The following RTL4 variants were observed in gnomAD, a reference collection of about 807,000 sequenced individuals.
RTL4 encodes retrotransposon Gag-like protein 4.
In RTL4, 4 loss-of-function variants were observed where a neutral mutation model predicts 5.3. The ratio of observed to expected loss-of-function variants is 0.75; its 90% confidence interval spans 0.37 to 1.72. The LOEUF is 1.72. RTL4 is among the 40% of genes most tolerant of loss of function. The pLI, the probability that RTL4 is intolerant of heterozygous loss-of-function variation, is 0.04. For missense variants in RTL4, 260 were observed against 227.1 expected (o/e 1.14, Z -0.93); for synonymous variants, 98 against 87.3 (o/e 1.12, Z -0.68).
chrX:112,330,693 C>T, the RTL4 span, among the ~76,000 whole-genome samples: 210 of 111,194 alleles, frequency 1.9e-3, no homozygotes, highest in African/African-American at 6.4e-3. Flanking sequence ...GAGCCCGCAT[C>T]GCCAAGTCAA....
At chrX:112,370,057 A>C in the RTL4 span, among the ~76,000 whole-genome samples, 12 of 111,968 alleles carry the variant, frequency 1.1e-4, no homozygotes, top group African/African-American at 3.9e-4. Flanking sequence ...TCAACTGAAG[A>C]CATCATTAAG....
the RTL4 span, among the ~76,000 whole-genome samples, chrX:112,437,706 G>A: frequency 0.019 from 2,041 of 109,650 alleles, 48 homozygotes; most frequent in African/African-American, 0.065. Flanking sequence ...GATCTTATTC[G>A]ATTGTTTTCA....
chrX:112,382,191 C>T, the RTL4 span: 58 of 1,188,340 alleles, frequency 4.9e-5, no homozygotes, highest in East Asian at 1.6e-3. Context: ...CCAGTCTTCC[C>T]CAAGGCACCA....
At chrX:112,329,387 G>A in the RTL4 span, among the ~76,000 whole-genome samples, 3 of 111,458 alleles carry the variant, frequency 2.7e-5, no homozygotes, top group East Asian at 2.8e-4. Context: ...ATACCTCTAC[G>A]CAAATAAACT....
the RTL4 span, among the ~76,000 whole-genome samples, chrX:112,201,287 G>A: frequency 3.6e-5 from 4 of 111,107 alleles, no homozygotes; most frequent in East Asian, 2.9e-4. Context: ...AGGATTATGG[G>A]GATTACAATT....
chrX:112,348,400 G>A, the RTL4 span, among the ~76,000 whole-genome samples: 1 of 106,597 alleles, frequency 9.4e-6, no homozygotes, highest in African/African-American at 3.4e-5. Context: ...ATATCATTTA[G>A]GTGATCCTTG....
the RTL4 span, among the ~76,000 whole-genome samples, chrX:112,331,348 G>GAT: frequency 9.5e-6 from 1 of 105,503 alleles, no homozygotes; most frequent in South Asian, 4.4e-4. Context: ...GTGGGCAAAG[G>GAT]ACATGAACAG....
the RTL4 span, among the ~76,000 whole-genome samples, chrX:112,164,622 G>C: frequency 1.8e-5 from 2 of 112,041 alleles, no homozygotes; most frequent in Admixed American, 1.9e-4. Flanking sequence ...AGGAGGCTGA[G>C]TGTCACTGTC....
At chrX:112,285,832 C>T in the RTL4 span, among the ~76,000 whole-genome samples, 32 of 111,344 alleles carry the variant, frequency 2.9e-4, no homozygotes, top group Admixed American at 4.8e-4. Context: ...CCCCAATTCA[C>T]GTCCAAATCA....
At chrX:112,437,550 T>C in the RTL4 span, among the ~76,000 whole-genome samples, 1 of 110,407 alleles carries the variant, frequency 9.1e-6, no homozygotes, top group African/African-American at 3.3e-5. Flanking sequence ...ACAACAACAG[T>C]TTGTCAATAT....
At chrX:112,334,109 C>A in the RTL4 span, among the ~76,000 whole-genome samples, 1 of 111,442 alleles carries the variant, frequency 9.0e-6, no homozygotes, top group African/African-American at 3.3e-5. Flanking sequence ...CAGTTCCATC[C>A]ATGTTGTTGC....
chrX:112,452,408 G>C (rs1180681297), upstream of RTL4, among the ~76,000 whole-genome samples: 1 of 109,022 alleles, frequency 9.2e-6, no homozygotes, highest in Non-Finnish European at 1.9e-5. Context: ...GCCTGGAAAG[G>C]CCAATCATTA....
At chrX:112,153,416 T>C in the RTL4 span, among the ~76,000 whole-genome samples, 1 of 112,209 alleles carries the variant, frequency 8.9e-6, no homozygotes, top group African/African-American at 3.2e-5. Context: ...ATATTCCATT[T>C]CCCAATCAAT....
At chrX:112,318,776 C>T in the RTL4 span, among the ~76,000 whole-genome samples, 1 of 111,051 alleles carries the variant, frequency 9.0e-6, no homozygotes, top group East Asian at 2.8e-4. Context: ...ACCTTAATTG[C>T]TCTTTATAAA....
At chrX:112,186,047 A>C in the RTL4 span, among the ~76,000 whole-genome samples, 2 of 110,823 alleles carry the variant, frequency 1.8e-5, no homozygotes, top group Non-Finnish European at 3.8e-5. Context: ...ACCTTTCATC[A>C]CCTCCATTCT....
chrX:112,318,703 A>G, the RTL4 span, among the ~76,000 whole-genome samples: 10 of 111,511 alleles, frequency 9.0e-5, no homozygotes, highest in Non-Finnish European at 1.9e-4. Context: ...CACTTCAATT[A>G]CATGGTGGAA....
chrX:112,201,772 C>A, the RTL4 span, among the ~76,000 whole-genome samples: 2 of 111,382 alleles, frequency 1.8e-5, no homozygotes, highest in African/African-American at 6.5e-5. Context: ...ATTTTAAAAA[C>A]ATTTTATTTG....
chrX:112,413,325 CAT>C, the RTL4 span, among the ~76,000 whole-genome samples: 1 of 111,422 alleles, frequency 9.0e-6, no homozygotes, highest in Admixed American at 9.5e-5. Context: ...ATTGAGCTAT[CAT>C]GTGATCTACC....
exon 1 of RTL4, chrX:112,455,130 G>A: frequency 8.3e-7 from 1 of 1,211,839 alleles, no homozygotes; most frequent in East Asian, 3.0e-5. Context: ...AGTTCCAGCA[G>A]TCATTTGGTA....
Sources: gnomAD v4.1 joint callset for allele counts (sites outside exome capture counted in the v4.1 genomes callset) on GRCh38, gnomAD v4.1.1 for gene constraint, MANE v1.5 for transcripts, NCBI Gene and HGNC (gene_info 2026-07-23, HGNC 2026-07-21) for gene names.